The following SUMF1 variants were observed in gnomAD, a reference collection of about 807,000 sequenced individuals.
SUMF1 encodes formylglycine-generating enzyme.
A neutral mutation model predicts 47.6 loss-of-function variants in SUMF1; 48 were observed. The observed-to-expected ratio is 1.01, with a 90% CI of 0.80 to 1.28. The LOEUF is 1.28. SUMF1 is among the 50% of genes most tolerant of loss of function. The pLI is 0.00. For synonymous variants in SUMF1, 230 were observed against 192.1 expected (o/e 1.20, Z -1.63); for missense variants, 571 against 485.4 (o/e 1.18, Z -1.66).
intron 1 of SUMF1, 89 bp from the exon 2 acceptor site, chr3:4,453,138 G>A (rs189436273): frequency 2.3e-5 from 31 of 1,355,192 alleles, no homozygotes; most frequent in African/African-American, 4.3e-5. Context: ...CAGGAAGCAC[G>A]CAAGTTTGTA....
At position 4,335,960 on chromosome 3, in the gene SUMF1, C is replaced by CAAAAAAAAAAAAAAAAAAAAAAA. The variant is rs770091674; in HGVS notation, c.1014+40369_1014+40370insTTTTTTTTTTTTTTTTTTTTTTT. Among the ~76,000 whole-genome samples, 30 of 73,892 alleles carry CAAAAAAAAAAAAAAAAAAAAAAA rather than the reference C, an allele frequency of 4.1e-4. 3 individuals are homozygous for CAAAAAAAAAAAAAAAAAAAAAAA. Among genetic ancestry groups the CAAAAAAAAAAAAAAAAAAAAAAA allele is most frequent in the African/African-American group, 9.9e-4 (14 of 14,096 alleles). The allele number at this position is 73,892 out of a possible 152,430, so 48.5% of individuals were successfully genotyped here. On this transcript the variant is annotated intron_variant and NMD_transcript_variant, in intron 8 of 12. Transcript: ENST00000448413. Reference sequence around the variant, plus strand: ...TGGACAACTGAGTGAGATTCCAACTCAAAAAAAAAAAAAAAAAAAACAGAA... The same window carrying CAAAAAAAAAAAAAAAAAAAAAAA: ...TGGACAACTGAGTGAGATTCCAACTCAAAAAAAAAAAAAAAAAAAAAAAAAAAAAAAAAAAAAAAAAAACAGAA...
At chr3:4,218,672 G>A (rs1402701330) in intron 8 of SUMF1, among the ~76,000 whole-genome samples, 1 of 152,168 alleles carries the variant, frequency 6.6e-6, no homozygotes, top group Non-Finnish European at 1.5e-5. Context: ...GACTTCGTGT[G>A]AGAGCATCAG....
intron 8 of SUMF1, among the ~76,000 whole-genome samples, chr3:4,292,600 C>T (rs1697761970): frequency 6.6e-6 from 1 of 152,206 alleles, no homozygotes; most frequent in African/African-American, 2.4e-5. Context: ...ATACTTTGTA[C>T]TTTCCCTTTG....
intron 7 of SUMF1, among the ~76,000 whole-genome samples, chr3:4,403,395 T>C (rs1701276352): frequency 6.6e-6 from 1 of 152,086 alleles, no homozygotes; most frequent in Admixed American, 6.6e-5. Context: ...TAGAATGCTG[T>C]GTATAATTCT....
intron 8 of SUMF1, among the ~76,000 whole-genome samples, chr3:4,097,786 C>A (rs553424317): frequency 2.0e-5 from 3 of 152,138 alleles, no homozygotes; most frequent in Non-Finnish European, 4.4e-5. Context: ...AACCAGAGTT[C>A]TTTCAAGAGT....
intron 7 of SUMF1, among the ~76,000 whole-genome samples, chr3:4,384,629 G>A (rs528996208): frequency 6.6e-6 from 1 of 152,108 alleles, no homozygotes; most frequent in South Asian, 2.1e-4. Context: ...ATAATTCTCC[G>A]GAGATTCATC....
At chr3:4,382,624 T>C (rs1215361414) in intron 7 of SUMF1, among the ~76,000 whole-genome samples, 1 of 152,206 alleles carries the variant, frequency 6.6e-6, no homozygotes, top group Non-Finnish European at 1.5e-5. Context: ...TGCACACATA[T>C]GTTTATTGTG....
chr3:4,226,353 T>TCTGC (rs1212160885), intron 8 of SUMF1, among the ~76,000 whole-genome samples: 1 of 137,222 alleles, frequency 7.3e-6, no homozygotes, highest in Non-Finnish European at 1.5e-5. Context: ...CACTGCAACC[T>TCTGC]CTGCCTCCTG....
intron 8 of SUMF1, among the ~76,000 whole-genome samples, chr3:4,177,071 C>T (rs1229939202): frequency 2.0e-5 from 3 of 152,098 alleles, no homozygotes; most frequent in Admixed American, 2.0e-4. Flanking sequence ...GAGACTCAGA[C>T]TCCCACACAA....
downstream of SUMF1, among the ~76,000 whole-genome samples, chr3:4,358,035 G>T (rs944074121): frequency 1.3e-5 from 2 of 152,080 alleles, no homozygotes; most frequent in African/African-American, 4.8e-5. Flanking sequence ...TGCCCATATT[G>T]ACACAGATCT....
intron 8 of SUMF1, among the ~76,000 whole-genome samples, chr3:4,088,979 G>T (rs1692728577): frequency 6.6e-6 from 1 of 152,028 alleles, no homozygotes. Flanking sequence ...TTAAGTCATG[G>T]ACTATCCTCT....
At chr3:4,185,274 G>A (rs909710033) in intron 8 of SUMF1, among the ~76,000 whole-genome samples, 4 of 152,084 alleles carry the variant, frequency 2.6e-5, no homozygotes, top group African/African-American at 9.7e-5. Context: ...TATAGAGAAA[G>A]ATTTCTATGT....
At chr3:4,425,180 G>A (rs1368262798) in intron 3 of SUMF1, among the ~76,000 whole-genome samples, 1 of 152,104 alleles carries the variant, frequency 6.6e-6, no homozygotes, top group Non-Finnish European at 1.5e-5. Context: ...TCTGACCCTG[G>A]AGTCAAGCTG....
At chr3:4,457,113 G>GC (rs1426139581) in intron 1 of SUMF1, among the ~76,000 whole-genome samples, 3 of 125,576 alleles carry the variant, frequency 2.4e-5, no homozygotes, top group Non-Finnish European at 5.0e-5. Context: ...GTTTTGTTTT[G>GC]TTTTTTTTAG....
chr3:4,384,709 C>T (rs541817686), intron 7 of SUMF1, among the ~76,000 whole-genome samples: 1 of 152,052 alleles, frequency 6.6e-6, no homozygotes, highest in Non-Finnish European at 1.5e-5. Flanking sequence ...GTGGATGTAT[C>T]GGTTTGTTTA....
intron 8 of SUMF1, among the ~76,000 whole-genome samples, chr3:4,208,328 T>C (rs1265729291): frequency 1.3e-5 from 2 of 152,026 alleles, no homozygotes; most frequent in Admixed American, 6.6e-5. Flanking sequence ...ATAAAAAGAC[T>C]GAAACCTACT....
At chr3:4,163,122 A>C (rs1182199280) in intron 8 of SUMF1, among the ~76,000 whole-genome samples, 2 of 64,332 alleles carry the variant, frequency 3.1e-5, no homozygotes, top group Admixed American at 1.5e-4. Flanking sequence ...CAGCAGCCTG[A>C]AAAAAAAAAT....
chr3:4,224,114 G>A (rs1440091863), intron 8 of SUMF1, among the ~76,000 whole-genome samples: 1 of 152,108 alleles, frequency 6.6e-6, no homozygotes, highest in Non-Finnish European at 1.5e-5. Flanking sequence ...ACAGTGCAAG[G>A]ACCTCATGTC....
At chr3:4,229,997 A>G (rs1019462931) in intron 8 of SUMF1, among the ~76,000 whole-genome samples, 1 of 152,028 alleles carries the variant, frequency 6.6e-6, no homozygotes, top group African/African-American at 2.4e-5. Context: ...TGGGTGACAG[A>G]GTGAGACCTT....
Sources: gnomAD v4.1 joint callset for allele counts (sites outside exome capture counted in the v4.1 genomes callset) on GRCh38, gnomAD v4.1.1 for gene constraint, MANE v1.5 for transcripts, NCBI Gene and HGNC (gene_info 2026-07-23, HGNC 2026-07-21) for gene names.